MEMO1: variants seen among roughly 807,000 people sequenced by gnomAD.
The protein encoded by MEMO1 is protein MEMO1.
Under a neutral mutation model 45.2 loss-of-function variants are expected in MEMO1, and 6 were observed. The ratio of observed to expected loss-of-function variants is 0.13; its 90% CI spans 0.07 to 0.26. MEMO1 has a LOEUF of 0.26. MEMO1 is among the 10% of genes least tolerant of loss of function. The pLI, the probability that MEMO1 is intolerant of heterozygous loss-of-function variation, is 1.00. For missense variants in MEMO1, 184 were observed against 370.5 expected, an observed-to-expected ratio of 0.50 and a Z score of 4.13; for synonymous variants, 78 against 124.3, an observed-to-expected ratio of 0.63 and a Z score of 2.48.
intron 2 of MEMO1, among the ~76,000 whole-genome samples, chr2:31,945,241 T>G (rs1338984736): frequency 6.6e-6 from 1 of 152,256 alleles, no homozygotes; most frequent in Non-Finnish European, 1.5e-5. Flanking sequence ...TGTATAGTAC[T>G]GCACTATACG....
chr2:31,883,241 A>C, intron 8 of MEMO1, 145 bp downstream of exon 8: 1 of 618,732 alleles, frequency 1.6e-6, no homozygotes, highest in South Asian at 2.4e-5. Flanking sequence ...TCTTATAGTC[A>C]GTATTTATAT....
At chr2:31,970,608 G>T (rs1669270762) in intron 2 of MEMO1, among the ~76,000 whole-genome samples, 1 of 150,636 alleles carries the variant, frequency 6.6e-6, no homozygotes. Context: ...CACGCAAAAT[G>T]CACTATCATT....
At chr2:31,957,026 C>T (rs1221139195) in intron 2 of MEMO1, among the ~76,000 whole-genome samples, 1 of 151,808 alleles carries the variant, frequency 6.6e-6, no homozygotes, top group African/African-American at 2.4e-5. Flanking sequence ...CCTGTAGTCC[C>T]AGCTACTCGG....
chr2:31,988,267 C>T (rs1216627714), intron 2 of MEMO1, among the ~76,000 whole-genome samples: 1 of 152,126 alleles, frequency 6.6e-6, no homozygotes, highest in Non-Finnish European at 1.5e-5. Context: ...TAACATTGGG[C>T]CAGGCATGGT....
intron 6 of MEMO1, among the ~76,000 whole-genome samples, chr2:31,905,955 G>T (rs779994235): frequency 6.6e-6 from 1 of 151,932 alleles, no homozygotes; most frequent in Non-Finnish European, 1.5e-5. Context: ...CCATCAAGGA[G>T]AGCTATTCTT....
chr2:31,940,611 C>T (rs1283413611), intron 3 of MEMO1, among the ~76,000 whole-genome samples: 2 of 152,152 alleles, frequency 1.3e-5, no homozygotes, highest in African/African-American at 4.8e-5. Flanking sequence ...GCAAACAGAC[C>T]ATAGCTCACT....
intron 4 of MEMO1, among the ~76,000 whole-genome samples, chr2:31,925,253 G>A (rs192693638): frequency 1.1e-3 from 174 of 152,122 alleles, no homozygotes; most frequent in African/African-American, 3.8e-3. Context: ...TGAAGCAGGC[G>A]GATCACGAGG....
At chr2:31,892,754 G>C (rs1217030549) in intron 6 of MEMO1, among the ~76,000 whole-genome samples, 1 of 152,106 alleles carries the variant, frequency 6.6e-6, no homozygotes, top group African/African-American at 2.4e-5. Context: ...AAGGAAGTAA[G>C]TTTTAATTTC....
chr2:31,943,199 A>C, intron 3 of MEMO1, 103 bp downstream of exon 3: 2 of 818,830 alleles, frequency 2.4e-6, no homozygotes. Flanking sequence ...TGGGAGGCGG[A>C]GGTTGCAGTG....
rs367639470 is a variant in MEMO1 at position 31,969,586 on chromosome 2, G to GGTGTGTGT, written c.62-26211_62-26204dup. Among the ~76,000 whole-genome samples, 323 of 119,246 alleles carry GGTGTGTGT rather than the reference G, an allele frequency of 2.7e-3. 3 individuals are homozygous for GGTGTGTGT. Among genetic ancestry groups the GGTGTGTGT allele is most frequent in the East Asian group, 6.8e-3 (28 of 4,098 alleles). 78.2% of individuals were successfully genotyped at this position (119,246 alleles called of 152,430 possible). ...AATCTTTTCTGGGGGTGTGTGTGTG[G>GGTGTGTGT]GTGTGTGTGTGTGTGTGTGTGTGTG... On this transcript the variant is annotated intron_variant, in intron 2 of 9. Coordinates refer to ENST00000404530, the MANE Select transcript of MEMO1 (RefSeq NM_001301833.4).
chr2:31,933,068 C>T (rs1651713488), intron 3 of MEMO1, among the ~76,000 whole-genome samples: 1 of 151,614 alleles, frequency 6.6e-6, no homozygotes. Flanking sequence ...CTCAAAATAA[C>T]TATACTTTTT....
intron 6 of MEMO1, among the ~76,000 whole-genome samples, chr2:31,901,440 T>C (rs1423934699): frequency 7.2e-6 from 1 of 139,582 alleles, no homozygotes; most frequent in Non-Finnish European, 1.5e-5. Context: ...GGGATGAATC[T>C]CAAAAACAGT....
At chr2:32,001,061 A>G (rs1271338696) in intron 2 of MEMO1, among the ~76,000 whole-genome samples, 1 of 122,008 alleles carries the variant, frequency 8.2e-6, no homozygotes, top group Non-Finnish European at 1.7e-5. Context: ...TTTTTGAGAC[A>G]GGAGTCTCGC....
chr2:31,992,095 T>A (rs1672016225), intron 2 of MEMO1, among the ~76,000 whole-genome samples: 1 of 152,214 alleles, frequency 6.6e-6, no homozygotes, highest in Admixed American at 6.5e-5. Flanking sequence ...AAATTATTTC[T>A]GTCACTTTTC....
intron 2 of MEMO1, among the ~76,000 whole-genome samples, chr2:32,009,482 T>C (rs903109011): frequency 3.9e-5 from 6 of 151,978 alleles, no homozygotes; most frequent in Admixed American, 1.3e-4. Flanking sequence ...ACCTCGTCTG[T>C]AGTCTGGTAA....
chr2:31,931,881 A>G (rs1341955567), intron 4 of MEMO1, among the ~76,000 whole-genome samples, 186 bp downstream of exon 4: 1 of 152,202 alleles, frequency 6.6e-6, no homozygotes, highest in Non-Finnish European at 1.5e-5. Flanking sequence ...AAATGCTCCA[A>G]CAACAACAAA....
At chr2:31,882,595 T>C (rs1393316826) in intron 8 of MEMO1, among the ~76,000 whole-genome samples, 1 of 152,018 alleles carries the variant, frequency 6.6e-6, no homozygotes, top group African/African-American at 2.4e-5. Context: ...TAAAAATAAA[T>C]TAACAAAACA....
chr2:32,002,221 GTA>G (rs1473353037), intron 2 of MEMO1, among the ~76,000 whole-genome samples: 3 of 127,342 alleles, frequency 2.4e-5, no homozygotes, highest in South Asian at 2.5e-4. Context: ...ACGTATATAC[GTA>G]TATGTGTATA....
chr2:31,871,668 C>T (rs1673770887), intron 8 of MEMO1, among the ~76,000 whole-genome samples: 1 of 152,074 alleles, frequency 6.6e-6, no homozygotes, highest in South Asian at 2.1e-4. Flanking sequence ...CAGGTCAACA[C>T]TCTCCACCGA....
Sources: allele counts gnomAD v4.1 joint callset (sites outside exome capture counted in the v4.1 genomes callset), GRCh38; gene constraint gnomAD v4.1.1; transcripts MANE v1.5; gene names NCBI Gene and HGNC (gene_info 2026-07-23, HGNC 2026-07-21).